BICD2: variants seen among roughly 807,000 people sequenced by gnomAD.
BICD2 encodes the protein BICD cargo adaptor 2.
A neutral mutation model predicts 72.9 loss-of-function variants in BICD2; 25 were observed. The ratio of observed to expected loss-of-function variants is 0.34; its 90% confidence interval spans 0.25 to 0.48. The LOEUF (loss-of-function observed/expected upper bound fraction) is 0.48, where lower values mean the gene tolerates loss of function less well. Ranked by LOEUF, BICD2 falls within the 20% of genes least tolerant of loss-of-function variation. BICD2 has a pLI of 0.99. For synonymous variants in BICD2, 501 were observed against 516.1 expected (o/e 0.97, Z 0.40); for missense variants, 894 against 1,175.2 (o/e 0.76, Z 3.50).
At chr9:92,715,820 G>A (rs1853299815) in intron 6 of BICD2, among the ~76,000 whole-genome samples, 1 of 152,196 alleles carries the variant, frequency 6.6e-6, no homozygotes, top group African/African-American at 2.4e-5. Flanking sequence ...CTTCTAGGAG[G>A]CGCTCTCCCC....
At chr9:92,750,246 T>C (rs1854120069) in intron 1 of BICD2, among the ~76,000 whole-genome samples, 1 of 152,246 alleles carries the variant, frequency 6.6e-6, no homozygotes. Flanking sequence ...GTCTGGCAGT[T>C]TCTCACAAAG....
At chr9:92,759,264 A>C (rs997546078) in intron 1 of BICD2, among the ~76,000 whole-genome samples, 3 of 152,228 alleles carry the variant, frequency 2.0e-5, no homozygotes, top group Admixed American at 6.5e-5. Flanking sequence ...TCTTGTACAC[A>C]TCACACACTC....
intron 1 of BICD2, among the ~76,000 whole-genome samples, chr9:92,744,094 C>G (rs890345198): frequency 1.3e-5 from 2 of 152,196 alleles, no homozygotes; most frequent in Admixed American, 6.5e-5. Context: ...CAGACACAGG[C>G]AACAGCCACC....
chr9:92,762,308 T>C (rs993597006), intron 1 of BICD2, among the ~76,000 whole-genome samples: 3 of 152,144 alleles, frequency 2.0e-5, no homozygotes, highest in African/African-American at 7.2e-5. Flanking sequence ...AGAGCCTGTG[T>C]TGGCATGGGT....
chr9:92,758,349 C>T (rs530664163), intron 1 of BICD2, among the ~76,000 whole-genome samples: 15 of 150,640 alleles, frequency 1.0e-4, no homozygotes, highest in South Asian at 8.4e-4. Context: ...GTCAGGAGTT[C>T]GAGACCAGCC....
chr9:92,716,415 T>C (rs1263535844), intron 6 of BICD2, among the ~76,000 whole-genome samples: 1 of 152,170 alleles, frequency 6.6e-6, no homozygotes, highest in Non-Finnish European at 1.5e-5. Flanking sequence ...GACAGGACGC[T>C]TCCAGAGAAA....
At chr9:92,761,774 A>G (rs1385476939) in intron 1 of BICD2, among the ~76,000 whole-genome samples, 1 of 152,260 alleles carries the variant, frequency 6.6e-6, no homozygotes, top group Non-Finnish European at 1.5e-5. Context: ...AGGGAGAGGA[A>G]GGGAAAGGGC....
chr9:92,725,747 A>AG (rs1210333699), intron 2 of BICD2, among the ~76,000 whole-genome samples: 1 of 152,256 alleles, frequency 6.6e-6, no homozygotes, highest in Non-Finnish European at 1.5e-5. Context: ...GCCACTGTGC[A>AG]GGGGGTCGGC....
chr9:92,758,965 C>T (rs1854319226), intron 1 of BICD2, among the ~76,000 whole-genome samples: 1 of 151,946 alleles, frequency 6.6e-6, no homozygotes, highest in Admixed American at 6.6e-5. Context: ...CAAGAGCAGC[C>T]TGGGCAACAC....
intron 1 of BICD2, among the ~76,000 whole-genome samples, chr9:92,737,503 G>A (rs755277895): frequency 3.9e-5 from 6 of 152,296 alleles, no homozygotes; most frequent in South Asian, 2.1e-4. Flanking sequence ...GTGGGGCAGC[G>A]CGTGGGAGAC....
chr9:92,745,697 T>A (rs915216020), intron 1 of BICD2, among the ~76,000 whole-genome samples: 5 of 152,276 alleles, frequency 3.3e-5, no homozygotes, highest in Non-Finnish European at 5.9e-5. Context: ...TGTAAGCTCA[T>A]TAGCTTCTCT....
intron 1 of BICD2, among the ~76,000 whole-genome samples, chr9:92,741,857 GA>G (rs1483625355): frequency 6.6e-6 from 1 of 152,110 alleles, no homozygotes; most frequent in African/African-American, 2.4e-5. Context: ...AATGCACCAA[GA>G]AACATCCTCA....
chr9:92,763,309 G>A (rs1432479621), intron 1 of BICD2, among the ~76,000 whole-genome samples: 1 of 152,176 alleles, frequency 6.6e-6, no homozygotes, highest in Non-Finnish European at 1.5e-5. Context: ...TGGGAGCAGA[G>A]GTGCCAGGTG....
At chr9:92,733,479 A>G (rs892959833) in intron 1 of BICD2, among the ~76,000 whole-genome samples, 1 of 151,876 alleles carries the variant, frequency 6.6e-6, no homozygotes, top group Non-Finnish European at 1.5e-5. Flanking sequence ...CAGAGGTTGC[A>G]GTGAACCGAG....
In BICD2 at chr9:92,713,397, GA is replaced by G; in HGVS notation, c.*1756del. ...CTTCCTCCTTGTGGGCCACGAGAGGGAAGGGGAAGGGGCTGCAGTGTGACAG... is the reference window on the plus strand; with the variant it reads ...CTTCCTCCTTGTGGGCCACGAGAGGGAGGGGAAGGGGCTGCAGTGTGACAG... On this transcript the variant is annotated 3_prime_UTR_variant, in exon 7 of 7. Coordinates refer to ENST00000356884, the MANE Select transcript of BICD2 (RefSeq NM_001003800.2). The G allele has an allele frequency of 6.5e-7, 1 of 1,544,432 alleles. No homozygotes were observed. The highest frequency in any genetic ancestry group is 8.8e-7 in the Non-Finnish European group (1 of 1,134,226).
intron 2 of BICD2, among the ~76,000 whole-genome samples, chr9:92,725,981 TC>T (rs1285461673): frequency 6.6e-6 from 1 of 152,102 alleles, no homozygotes; most frequent in Non-Finnish European, 1.5e-5. Context: ...CAAGGCCCAA[TC>T]CAGGCCAGTC....
At chr9:92,722,152 G>C (rs1272886310) in intron 3 of BICD2, among the ~76,000 whole-genome samples, 2 of 152,190 alleles carry the variant, frequency 1.3e-5, no homozygotes, top group Non-Finnish European at 2.9e-5. Flanking sequence ...ACAAAGAGAA[G>C]GGACCCTCCT....
intron 2 of BICD2, among the ~76,000 whole-genome samples, chr9:92,727,672 C>T (rs909161974): frequency 1.3e-5 from 2 of 152,220 alleles, no homozygotes; most frequent in African/African-American, 4.8e-5. Context: ...GGTGATGGGG[C>T]CTCATCCTTC....
At chr9:92,729,003 G>A (rs1310959192) in intron 2 of BICD2, 21 bp downstream of exon 2, 2 of 1,611,076 alleles carry the variant, frequency 1.2e-6, no homozygotes, top group South Asian at 2.2e-5. Flanking sequence ...CCACAGACTA[G>A]GCCCCTCCTC....
Sources: gnomAD v4.1 joint callset for allele counts (sites outside exome capture counted in the v4.1 genomes callset) on GRCh38, gnomAD v4.1.1 for gene constraint, MANE v1.5 for transcripts, NCBI Gene and HGNC (gene_info 2026-07-23, HGNC 2026-07-21) for gene names.